MYO9B: variants seen among roughly 807,000 people sequenced by gnomAD.
MYO9B encodes the protein unconventional myosin-IXb.
MYO9B carries 71 observed loss-of-function variants against 229.5 expected under a neutral mutation model. The ratio of observed to expected loss-of-function variants is 0.31; its 90% CI spans 0.26 to 0.38. The LOEUF (loss-of-function observed/expected upper bound fraction) is 0.38. MYO9B is among the 10% of genes least tolerant of loss of function. The probability of loss-of-function intolerance (pLI) is 1.00; values close to 1 mark genes in which losing one functional copy is unlikely to be tolerated. For synonymous variants in MYO9B, 1,185 were observed against 1,235.8 expected (o/e 0.96, Z 0.86); for missense variants, 2,255 against 2,920.5 (o/e 0.77, Z 5.25).
At chr19:17,186,386 C>T (rs1410660415) in intron 18 of MYO9B, among the ~76,000 whole-genome samples, 1 of 152,086 alleles carries the variant, frequency 6.6e-6, no homozygotes, top group Non-Finnish European at 1.5e-5. Flanking sequence ...TTGGAGCCCC[C>T]GTGGGACCAC....
In MYO9B at chr19:17,091,566, G is replaced by C. The variant is rs145385014; in HGVS notation, c.-58-10094G>C. The stretch of plus-strand genomic sequence containing the variant: ...TACTAAAAATACAAAAATTAGCTGG[G>C]TATGGTAGTGTTCAGGCCCAGGTAT... On this transcript the variant is annotated intron_variant, in intron 1 of 39. Transcript: ENST00000682292. Among the ~76,000 whole-genome samples the C allele has an allele frequency of 1.6e-3, 241 of 152,326 alleles. 1 individual carries two copies. Among genetic ancestry groups the C allele is most frequent in the African/African-American group, 5.5e-3 (229 of 41,582 alleles).
chr19:17,077,174 G>A (rs1252798352), intron 1 of MYO9B, among the ~76,000 whole-genome samples: 1 of 152,200 alleles, frequency 6.6e-6, no homozygotes, highest in Admixed American at 6.5e-5. Context: ...TTGTGGCCCT[G>A]GCAGGGACTT....
chr19:17,121,319 G>A (rs1052505705), intron 2 of MYO9B, among the ~76,000 whole-genome samples: 2 of 151,990 alleles, frequency 1.3e-5, no homozygotes, highest in Admixed American at 1.3e-4. Flanking sequence ...CCACTGAAGG[G>A]ACACAGCAGT....
rs1419582926 is a variant in MYO9B at position 17,101,364 on chromosome 19, G to A, written c.-58-296G>A. On this transcript the variant is annotated intron_variant, in intron 1 of 39. Transcript: ENST00000682292. The surrounding 1 kb of genome is among the most constrained non-coding windows in gnomAD (Gnocchi z 4.7). ...TTATTTTTTGTAGAGACGGGGTCTCGCTATGTTGCCCAGGCTGGTCTCAAA... is the reference window on the plus strand; with the variant it reads ...TTATTTTTTGTAGAGACGGGGTCTCACTATGTTGCCCAGGCTGGTCTCAAA... 2.6e-5 allele frequency among the ~76,000 whole-genome samples: 4 copies of A among 151,766 alleles called. No homozygotes were observed. Among genetic ancestry groups the A allele is most frequent in the Non-Finnish European group, 5.9e-5 (4 of 67,938 alleles).
intron 3 of MYO9B, among the ~76,000 whole-genome samples, chr19:17,148,924 C>G (rs1321202247): frequency 6.6e-6 from 1 of 152,072 alleles, no homozygotes; most frequent in African/African-American, 2.4e-5. Context: ...TAGGGCCCTC[C>G]TGGATTATTG....
intron 35 of MYO9B, among the ~76,000 whole-genome samples, chr19:17,208,414 C>T (rs1463073172): frequency 6.6e-6 from 1 of 150,516 alleles, no homozygotes; most frequent in Non-Finnish European, 1.5e-5. Context: ...TGAGCACACC[C>T]CATTGTACTA....
At chr19:17,198,083 G>A in intron 23 of MYO9B, 101 bp from the exon 24 acceptor site, 3 of 1,499,766 alleles carry the variant, frequency 2.0e-6, no homozygotes, top group South Asian at 1.3e-5. Flanking sequence ...AAAGCAGGAA[G>A]TGAGGTCGGT....
chr19:17,183,931 G>C (rs2072889372), intron 16 of MYO9B, 63 bp downstream of exon 16: 2 of 1,474,484 alleles, frequency 1.4e-6, no homozygotes, highest in South Asian at 1.3e-5. Flanking sequence ...TGCCCGTCTT[G>C]AGAGCTTTCA....
intron 2 of MYO9B, among the ~76,000 whole-genome samples, chr19:17,126,666 T>G (rs200311876): frequency 6.9e-6 from 1 of 145,638 alleles, no homozygotes; most frequent in African/African-American, 2.5e-5. Flanking sequence ...CTTTTTTTTT[T>G]CTTTTTTTTT....
chr19:17,190,064 C>CAAAAA (rs36086676), intron 19 of MYO9B, among the ~76,000 whole-genome samples: 1 of 127,170 alleles, frequency 7.9e-6, no homozygotes, highest in Non-Finnish European at 1.7e-5. Context: ...GACTCCGTCT[C>CAAAAA]AAAAAAAAAA....
chr19:17,199,555 G>A (rs1165718436), intron 24 of MYO9B, among the ~76,000 whole-genome samples: 2 of 151,640 alleles, frequency 1.3e-5, no homozygotes, highest in Non-Finnish European at 2.9e-5. Flanking sequence ...GCCCAGTCTG[G>A]CAGTCTGGAG....
intron 38 of MYO9B, 147 bp from the exon 39 acceptor site, chr19:17,211,500 C>G (rs2073228602): frequency 1.3e-6 from 1 of 790,568 alleles, no homozygotes; most frequent in African/African-American, 1.8e-5. Context: ...GGTTCAAACT[C>G]CTGGGCTCAA....
chr19:17,197,055 C>T (rs2073050794), intron 22 of MYO9B, among the ~76,000 whole-genome samples: 1 of 152,000 alleles, frequency 6.6e-6, no homozygotes, highest in Non-Finnish European at 1.5e-5. Context: ...GCGGGTGGAT[C>T]ACCTGAGGTC....
In MYO9B at chr19:17,206,156, G is replaced by A; in HGVS notation, c.5257+4G>A. 1 of 1,608,696 alleles carries A rather than the reference G, an allele frequency of 6.2e-7. No homozygotes were observed. Among genetic ancestry groups the A allele is most frequent in the Non-Finnish European group, 8.5e-7 (1 of 1,177,784 alleles). On this transcript the variant is annotated splice_donor_region_variant and intron_variant, in intron 32 of 39. Transcript: ENST00000682292. ...CTCCGGCAGGCGCTGCAGACAGGTG[G>A]GCGCTGTGGGCAGGTGGGTGCAGTG...
Position 17,195,569 on chromosome 19 carries a change from T to A in MYO9B, c.4046+96T>A. ...ACACATCCTGGAAACACATGTGTAA[T>A]CATGCCCAGTGGGTGTGCGGGAGGC... is the stretch of plus-strand genomic sequence containing the variant. On this transcript the variant is annotated intron_variant, in intron 22 of 39. Transcript: ENST00000682292. The surrounding 1 kb of genome is among the most constrained non-coding windows in gnomAD (Gnocchi z 4.5). 7.0e-7 allele frequency: 1 copy of A among 1,432,266 alleles called. No homozygotes were observed. Among genetic ancestry groups the A allele is most frequent in the South Asian group, 1.3e-5 (1 of 78,786 alleles). The allele number at this position is 1,432,266 out of a possible 1,614,324, so 88.7% of individuals were successfully genotyped here.
At chr19:17,140,577 C>T (rs2072326607) in intron 2 of MYO9B, among the ~76,000 whole-genome samples, 1 of 152,066 alleles carries the variant, frequency 6.6e-6, no homozygotes, top group East Asian at 2.0e-4. Flanking sequence ...CAACCTCCGC[C>T]TCCCGGGTTC....
At position 17,192,928 on chromosome 19, in the gene MYO9B, G is replaced by T; in HGVS notation, c.2994G>T (p.Ala998=). 3 of 1,548,784 alleles carry T rather than the reference G, an allele frequency of 1.9e-6. No homozygotes were observed. Among genetic ancestry groups the T allele is most frequent in the Non-Finnish European group, 1.7e-6 (2 of 1,146,382 alleles). The change falls in exon 21 of 40, where the codon GCG becomes GCT. Residue 998 remains alanine, a synonymous_variant. Coordinates refer to ENST00000682292, the MANE Select transcript of MYO9B (RefSeq NM_004145.4). The stretch of plus-strand genomic sequence containing the variant: ...GGCGGTCCTACCGGGTCCGGAGGGC[G>T]CTGGAGAGGACGCAGGCTGCCGTGT... ...ACWRSYRVRR[A]LERTQAAVYL...
rs1333936585 is a variant in MYO9B at position 17,175,826 on chromosome 19, T to C, written c.2219+85T>C. 119 of 261,130 alleles carry C rather than the reference T, an allele frequency of 4.6e-4. No homozygotes were observed. In the South Asian group the frequency reaches 8.1e-3, roughly 18 times the overall value. 16.2% of individuals were successfully genotyped at this position (261,130 alleles called of 1,614,324 possible). On this transcript the variant is annotated intron_variant, in intron 14 of 39. Coordinates refer to ENST00000682292, the MANE Select transcript of MYO9B (RefSeq NM_004145.4). ...AACAACTTAGGGAATGCTACATTCT[T>C]TTTTTTTTTTTTTTTTTTCTTTTGA...
intron 1 of MYO9B, among the ~76,000 whole-genome samples, chr19:17,081,261 C>T (rs2123429596): frequency 6.6e-6 from 1 of 152,240 alleles, no homozygotes; most frequent in Middle Eastern, 3.4e-3. Context: ...CTCCTGACAT[C>T]AGGTGATCAG....
Sources: gnomAD v4.1 joint callset for allele counts (sites outside exome capture counted in the v4.1 genomes callset) on GRCh38, gnomAD v4.1.1 for gene constraint, Gnocchi (gnomAD v3.1) non-coding constraint, MANE v1.5 for transcripts, NCBI Gene and HGNC (gene_info 2026-07-23, HGNC 2026-07-21) for gene names.